Variants in SHISA9 observed in about 807,000 individuals in gnomAD.
SHISA9 encodes protein shisa-9.
Under a neutral mutation model 38.0 loss-of-function variants are expected in SHISA9, and 13 were observed. The observed-to-expected ratio is 0.34, with a 90% CI of 0.22 to 0.54. The LOEUF (loss-of-function observed/expected upper bound fraction) is 0.54, where lower values mean the gene tolerates loss of function less well. Ranked by LOEUF, SHISA9 falls within the 20% of genes least tolerant of loss-of-function variation. SHISA9 has a pLI of 0.91. For missense variants in SHISA9, 538 were observed against 575.8 expected (o/e 0.93, Z 0.67); for synonymous variants, 275 against 242.0 (o/e 1.14, Z -1.27).
intron 2 of SHISA9, among the ~76,000 whole-genome samples, chr16:12,989,706 T>C (rs901219395): frequency 1.3e-5 from 2 of 152,182 alleles, no homozygotes; most frequent in East Asian, 1.9e-4. Context: ...TAATTACTCA[T>C]TAAAAGTAAC....
At chr16:13,015,858 C>CTTTGTTTCTTTCTT (rs879889298) in intron 2 of SHISA9, among the ~76,000 whole-genome samples, 1 of 59,730 alleles carries the variant, frequency 1.7e-5, no homozygotes, top group South Asian at 7.1e-4. Flanking sequence ...CTTTCCCTTT[C>CTTTGTTTCTTTCTT]TTTCTTTCTT....
chr16:13,459,388 A>T, the SHISA9 span, among the ~76,000 whole-genome samples: 1 of 152,146 alleles, frequency 6.6e-6, no homozygotes, highest in South Asian at 2.1e-4. Flanking sequence ...CCCTCAAGTC[A>T]TCATGCACAG....
At chr16:13,253,983 C>G in the SHISA9 span, among the ~76,000 whole-genome samples, 1 of 151,990 alleles carries the variant, frequency 6.6e-6, no homozygotes, top group South Asian at 2.1e-4. Flanking sequence ...TCAAACATTT[C>G]TCATTATCAG....
the SHISA9 span, among the ~76,000 whole-genome samples, chr16:13,484,653 T>C: frequency 6.6e-6 from 1 of 152,234 alleles, no homozygotes; most frequent in African/African-American, 2.4e-5. Context: ...GAGATTTAAT[T>C]GGCTCACAGT....
intron 2 of SHISA9, among the ~76,000 whole-genome samples, chr16:13,097,411 G>A (rs980331519): frequency 4.0e-5 from 6 of 150,088 alleles, no homozygotes; most frequent in Non-Finnish European, 8.8e-5. Flanking sequence ...TAGTGGCATT[G>A]TCTGATCAGT....
At chr16:13,253,974 CA>C in the SHISA9 span, among the ~76,000 whole-genome samples, 1 of 152,138 alleles carries the variant, frequency 6.6e-6, no homozygotes, top group Admixed American at 6.5e-5. Flanking sequence ...AATGTCTTCT[CA>C]AACATTTCTC....
At chr16:13,285,336 A>G in the SHISA9 span, among the ~76,000 whole-genome samples, 2 of 152,180 alleles carry the variant, frequency 1.3e-5, no homozygotes, top group South Asian at 2.1e-4. Flanking sequence ...GCTATTCACA[A>G]TAATTGATGA....
At chr16:13,293,937 G>A in the SHISA9 span, among the ~76,000 whole-genome samples, 1 of 152,188 alleles carries the variant, frequency 6.6e-6, no homozygotes, top group Non-Finnish European at 1.5e-5. Flanking sequence ...GTGTGTTGTG[G>A]TTTTGTTCTT....
intron 2 of SHISA9, among the ~76,000 whole-genome samples, chr16:13,097,832 A>G (rs16961121): frequency 0.02 from 3,072 of 152,286 alleles, 50 homozygotes; most frequent in Admixed American, 0.047. Flanking sequence ...GTAAAATGTC[A>G]TGATAGACAG....
At chr16:12,984,454 A>G (rs2072281104) in intron 2 of SHISA9, among the ~76,000 whole-genome samples, 1 of 152,220 alleles carries the variant, frequency 6.6e-6, no homozygotes, top group African/African-American at 2.4e-5. Flanking sequence ...AAAGCTGAAT[A>G]TCCAGGGGCA....
intron 2 of SHISA9, among the ~76,000 whole-genome samples, chr16:13,029,004 A>G (rs897502940): frequency 1.3e-5 from 2 of 152,214 alleles, no homozygotes; most frequent in African/African-American, 2.4e-5. Context: ...GGTCTTCTAC[A>G]TAGACCTTCC....
chr16:12,903,980 A>C (rs951805484), intron 1 of SHISA9, among the ~76,000 whole-genome samples: 1 of 151,966 alleles, frequency 6.6e-6, no homozygotes, highest in Non-Finnish European at 1.5e-5. Context: ...TTTTGGGGGA[A>C]GAGGTGAGGA....
At chr16:13,030,567 G>A (rs2072978962) in intron 2 of SHISA9, among the ~76,000 whole-genome samples, 1 of 152,098 alleles carries the variant, frequency 6.6e-6, no homozygotes, top group South Asian at 2.1e-4. Context: ...TGATTTCAGA[G>A]CCTGCTTCTT....
intron 1 of SHISA9, among the ~76,000 whole-genome samples, chr16:12,911,983 G>A (rs1157466989): frequency 6.6e-6 from 1 of 152,152 alleles, no homozygotes. Flanking sequence ...CATCCCCTTT[G>A]GGGGCACATA....
At chr16:13,550,419 C>G in the SHISA9 span, among the ~76,000 whole-genome samples, 1 of 152,234 alleles carries the variant, frequency 6.6e-6, no homozygotes, top group Non-Finnish European at 1.5e-5. Flanking sequence ...AGTCCACTGA[C>G]TTCCCTTTCC....
chr16:13,261,388 TTGA>T, the SHISA9 span, among the ~76,000 whole-genome samples: 2 of 152,100 alleles, frequency 1.3e-5, no homozygotes, highest in Non-Finnish European at 2.9e-5. Flanking sequence ...TTTGATGCTG[TTGA>T]TGATGATGTT....
At chr16:12,987,575 C>T (rs1363269612) in intron 2 of SHISA9, among the ~76,000 whole-genome samples, 1 of 152,104 alleles carries the variant, frequency 6.6e-6, no homozygotes, top group African/African-American at 2.4e-5. Flanking sequence ...AGGGGAACAA[C>T]ACACACCAGG....
chr16:13,374,886 T>C, the SHISA9 span, among the ~76,000 whole-genome samples: 79 of 152,224 alleles, frequency 5.2e-4, no homozygotes, highest in African/African-American at 1.8e-3. Context: ...TATCTCATTG[T>C]GGTTTTGAGT....
chr16:13,335,362 T>C, the SHISA9 span, among the ~76,000 whole-genome samples: 7 of 152,328 alleles, frequency 4.6e-5, no homozygotes, highest in South Asian at 1.0e-3. Context: ...TCTAGCACTA[T>C]CTTGAATCCT....
Sources: allele counts gnomAD v4.1 joint callset (sites outside exome capture counted in the v4.1 genomes callset), GRCh38; gene constraint gnomAD v4.1.1; transcripts MANE v1.5; gene names NCBI Gene and HGNC (gene_info 2026-07-23, HGNC 2026-07-21).